Variants in GRID1 observed in about 807,000 individuals in gnomAD.
The protein encoded by GRID1 is glutamate ionotropic receptor delta type subunit 1, also known as glutamate receptor ionotropic, delta-1.
A neutral mutation model predicts 98.0 loss-of-function variants in GRID1; 28 were observed. That is an observed-to-expected ratio of 0.29 (90% confidence interval 0.21 to 0.39). The LOEUF (loss-of-function observed/expected upper bound fraction) is 0.39. GRID1 is among the 10% of genes least tolerant of loss of function. The probability of loss-of-function intolerance (pLI) is 1.00; values close to 1 mark genes in which losing one functional copy is unlikely to be tolerated. For missense variants in GRID1, 1,111 were observed against 1,340.5 expected (o/e 0.83, Z 2.67); for synonymous variants, 553 against 538.5 (o/e 1.03, Z -0.37).
rs569709221 is a variant in GRID1 at position 85,648,924 on chromosome 10, G to C, written c.1998-1527C>G. On this transcript the variant is annotated intron_variant, in intron 12 of 15. Coordinates refer to ENST00000327946, the MANE Select transcript of GRID1 (RefSeq NM_017551.3). ...TGGAGTCCAATTGCCTACCTTGCCT[G>C]TCTGTCCCCCACAACCAACACTGTG... 2.0e-5 allele frequency among the ~76,000 whole-genome samples: 3 copies of C among 152,330 alleles called. No homozygotes were observed. The East Asian group carries it at 5.8e-4, about 29-fold the overall frequency.
At chr10:86,065,691 C>T (rs1362530483) in intron 4 of GRID1, among the ~76,000 whole-genome samples, 2 of 152,194 alleles carry the variant, frequency 1.3e-5, no homozygotes, top group South Asian at 2.1e-4. Flanking sequence ...ATTATTTATA[C>T]CCCTCTAATT....
At chr10:86,244,923 A>G (rs1452173169) in intron 2 of GRID1, among the ~76,000 whole-genome samples, 1 of 152,226 alleles carries the variant, frequency 6.6e-6, no homozygotes, top group African/African-American at 2.4e-5. Flanking sequence ...CTTGCAGCCC[A>G]AAAGATTTTT....
intron 2 of GRID1, among the ~76,000 whole-genome samples, chr10:86,269,255 G>A (rs904714944): frequency 6.6e-6 from 1 of 152,168 alleles, no homozygotes; most frequent in Non-Finnish European, 1.5e-5. Flanking sequence ...TGCCTGGAGG[G>A]GTGGGGGCAG....
rs561211274 is a variant in GRID1 at position 86,123,277 on chromosome 10, T to C, written c.726+15542A>G. Among the ~76,000 whole-genome samples, 37 of 152,284 alleles carry C rather than the reference T, an allele frequency of 2.4e-4. No homozygotes were observed. In the South Asian group the frequency reaches 7.7e-3, roughly 32 times the overall value. ...CTAGGGAACAGAGGGCAGAGGGCCA[T>C]AGCCTGGAACCTACCGGTGATGCTG... On this transcript the variant is annotated intron_variant, in intron 4 of 15. Coordinates refer to ENST00000327946, the MANE Select transcript of GRID1 (RefSeq NM_017551.3).
chr10:86,334,065 C>T (rs903545810), intron 2 of GRID1, among the ~76,000 whole-genome samples: 2 of 152,004 alleles, frequency 1.3e-5, no homozygotes, highest in African/African-American at 4.8e-5. Flanking sequence ...CCCCTCACCT[C>T]CTACATCACT....
At chr10:85,675,708 T>C (rs1841137018) in intron 12 of GRID1, among the ~76,000 whole-genome samples, 1 of 152,236 alleles carries the variant, frequency 6.6e-6, no homozygotes, top group Non-Finnish European at 1.5e-5. Context: ...TAATGTTCTT[T>C]CAATGTCCAG....
At chr10:85,664,801 G>C (rs1479223111) in intron 12 of GRID1, among the ~76,000 whole-genome samples, 1 of 152,172 alleles carries the variant, frequency 6.6e-6, no homozygotes, top group Non-Finnish European at 1.5e-5. Context: ...TTAATGACAA[G>C]CATTGGATTT....
intron 2 of GRID1, among the ~76,000 whole-genome samples, chr10:86,235,668 C>G (rs1846526590): frequency 6.6e-6 from 1 of 152,208 alleles, no homozygotes; most frequent in Non-Finnish European, 1.5e-5. Flanking sequence ...TGTCTGCCTT[C>G]TTTCACTTAG....
chr10:85,933,017 G>C (rs1841877918), intron 4 of GRID1, among the ~76,000 whole-genome samples: 1 of 152,230 alleles, frequency 6.6e-6, no homozygotes, highest in Admixed American at 6.5e-5. Flanking sequence ...CAATGCAACA[G>C]AGTTGAGAGT....
At chr10:85,998,628 G>A (rs1157283945) in intron 4 of GRID1, among the ~76,000 whole-genome samples, 1 of 151,804 alleles carries the variant, frequency 6.6e-6, no homozygotes, top group Non-Finnish European at 1.5e-5. Flanking sequence ...ACAGGCAGAT[G>A]GAATAAAATA....
intron 4 of GRID1, among the ~76,000 whole-genome samples, chr10:85,989,602 T>C (rs1443873792): frequency 6.6e-6 from 1 of 152,162 alleles, no homozygotes; most frequent in African/African-American, 2.4e-5. Flanking sequence ...CAGATCTAGG[T>C]TGTGCACTCA....
At chr10:85,985,505 C>T (rs545551383) in intron 4 of GRID1, among the ~76,000 whole-genome samples, 12 of 152,300 alleles carry the variant, frequency 7.9e-5, no homozygotes, top group East Asian at 3.9e-4. Flanking sequence ...CAGGGTTTAC[C>T]GCATGGTACA....
intron 4 of GRID1, among the ~76,000 whole-genome samples, chr10:85,974,591 C>T (rs1208619515): frequency 6.6e-6 from 1 of 152,160 alleles, no homozygotes. Flanking sequence ...ATCTGTCAAG[C>T]AAATAAATAT....
intron 13 of GRID1, among the ~76,000 whole-genome samples, chr10:85,639,006 T>C (rs1843082388): frequency 6.6e-6 from 1 of 152,204 alleles, no homozygotes; most frequent in Non-Finnish European, 1.5e-5. Flanking sequence ...TGATGCAAAG[T>C]AGCATAACCA....
chr10:86,218,700 C>T lies in GRID1; in HGVS notation c.236-12052G>A, dbSNP rs17106438. On this transcript the variant is annotated intron_variant, in intron 2 of 15. Coordinates refer to ENST00000327946, the MANE Select transcript of GRID1 (RefSeq NM_017551.3). ...TCTACCCAGACAAGTGCCTCCTCCT[C>T]TCCAGGGACCTTCTTGTTTACCCAC... Among the ~76,000 whole-genome samples, 166 of 152,344 alleles carry T rather than the reference C, an allele frequency of 1.1e-3. No individual in the cohort carries two copies. The East Asian group carries it at 0.02, about 19-fold the overall frequency.
At chr10:86,149,385 T>C (rs953451421) in intron 3 of GRID1, among the ~76,000 whole-genome samples, 1 of 152,214 alleles carries the variant, frequency 6.6e-6, no homozygotes, top group Non-Finnish European at 1.5e-5. Flanking sequence ...TCTGGATGAC[T>C]CCGTATGGGC....
intron 8 of GRID1, among the ~76,000 whole-genome samples, chr10:85,838,728 C>G (rs906247573): frequency 6.6e-6 from 1 of 152,114 alleles, no homozygotes; most frequent in Non-Finnish European, 1.5e-5. Flanking sequence ...CACTATAAAG[C>G]AACCACACAA....
rs559756117 is a variant in GRID1, at chr10:85,884,706, G to A, written c.781-15526C>T. Among the ~76,000 whole-genome samples the A allele has an allele frequency of 5.9e-5, 9 of 152,274 alleles. No individual in the cohort carries two copies. The South Asian group carries it at 1.0e-3, about 18-fold the overall frequency. On this transcript the variant is annotated intron_variant, in intron 5 of 15. Transcript: ENST00000327946. ...TGCTCATTAAAGAGATCAGCCCTGT[G>A]AGAGATGATGGTAACTTAAGCTAAG... is the stretch of plus-strand genomic sequence containing the variant.
chr10:85,665,284 G>A (rs935168880), intron 12 of GRID1, among the ~76,000 whole-genome samples: 1 of 152,094 alleles, frequency 6.6e-6, no homozygotes, highest in Non-Finnish European at 1.5e-5. Flanking sequence ...CAGGATGAAG[G>A]GCGTCAACCT....
Sources: gnomAD v4.1 joint callset for allele counts (sites outside exome capture counted in the v4.1 genomes callset) on GRCh38, gnomAD v4.1.1 for gene constraint, MANE v1.5 for transcripts, NCBI Gene and HGNC (gene_info 2026-07-23, HGNC 2026-07-21) for gene names.